The following CEP135 variants were observed in gnomAD, a reference collection of about 807,000 sequenced individuals.
CEP135 encodes the protein centrosomal protein 135.
Under a neutral mutation model 157.3 loss-of-function variants are expected in CEP135, and 142 were observed. That is an observed-to-expected ratio of 0.90 (90% CI 0.79 to 1.04). CEP135 has a LOEUF of 1.04. Among genes scored for constraint, CEP135 ranks in the 50% least tolerant of loss-of-function variants. The pLI is 0.00. For missense variants in CEP135, 1,317 were observed against 1,309.2 expected (o/e 1.01, Z -0.09); for synonymous variants, 396 against 439.8 (o/e 0.90, Z 1.25).
At chr4:56,014,009 A>G (rs1479045771) in intron 21 of CEP135, among the ~76,000 whole-genome samples, 1 of 152,198 alleles carries the variant, frequency 6.6e-6, no homozygotes. Context: ...TGTAGAAGTC[A>G]AGGAGTGTCA....
At position 55,965,718 on chromosome 4, in the gene CEP135, G is replaced by T; in HGVS notation, c.903G>T (p.Val301=). The T allele has an allele frequency of 6.2e-7, 1 of 1,613,860 alleles. No homozygotes were observed. The highest frequency in any genetic ancestry group is 1.1e-5 in the South Asian group (1 of 91,048). ...IRELMETKET[V]TSEVVNLSNK... is the part of the protein sequence containing the mutation. Reference sequence around the variant, plus strand: ...AGCTTATGGAAACCAAGGAAACAGTGACATCTGAAGTCGTTAATTTAAGTA... The same window carrying T: ...AGCTTATGGAAACCAAGGAAACAGTTACATCTGAAGTCGTTAATTTAAGTA... The change falls in exon 8 of 26, where the codon GTG becomes GTT. Residue 301 remains valine (V), a synonymous_variant. Coordinates refer to ENST00000257287, the MANE Select transcript of CEP135 (RefSeq NM_025009.5).
chr4:56,021,608 T>C (rs926346185), intron 24 of CEP135, among the ~76,000 whole-genome samples: 15 of 152,218 alleles, frequency 9.9e-5, no homozygotes, highest in African/African-American at 3.1e-4. Flanking sequence ...GATTTCATTC[T>C]CAATTAGTGG....
rs759686400 is a variant in CEP135, at chr4:55,965,665, A to C, written c.850A>C (p.Asn284His). The C allele has an allele frequency of 4.2e-5, 67 of 1,608,388 alleles. No homozygotes were observed. The highest frequency in any genetic ancestry group is 5.5e-5 in the Non-Finnish European group (65 of 1,178,610). The part of the protein sequence containing the change: ...NIQVDFLQQA[N>H]KDLEKRIREL... Reference sequence around the variant, plus strand: ...TTAGGTTGACTTTCTTCAGCAAGCTAATAAAGACCTGGAGAAGCGTATACG... The same window carrying C: ...TTAGGTTGACTTTCTTCAGCAAGCTCATAAAGACCTGGAGAAGCGTATACG... The change falls in exon 8 of 26, where the codon AAT becomes CAT. Residue 284 changes from asparagine to histidine, a missense_variant. Physicochemically the swap from Asn to His is moderately conservative, Grantham distance 68. Transcript: ENST00000257287.
chr4:56,017,961 GTAGT>G, intron 22 of CEP135, 104 bp downstream of exon 22: 1 of 1,006,460 alleles, frequency 9.9e-7, no homozygotes, highest in Middle Eastern at 3.3e-4. Flanking sequence ...TCCTTTTAGA[GTAGT>G]TACTTTTTTT....
intron 14 of CEP135, among the ~76,000 whole-genome samples, chr4:55,988,710 C>A (rs1729684174): frequency 6.8e-6 from 1 of 147,886 alleles, no homozygotes; most frequent in Non-Finnish European, 1.5e-5. Flanking sequence ...GTAATCCCAG[C>A]ACTTTGGGTG....
At chr4:55,958,675 C>T (rs1247691281) in intron 5 of CEP135, among the ~76,000 whole-genome samples, 1 of 152,092 alleles carries the variant, frequency 6.6e-6, no homozygotes, top group Non-Finnish European at 1.5e-5. Context: ...AGTGCAGTTG[C>T]ATACATACTC....
rs1168341025 is a variant in CEP135 at position 56,020,719 on chromosome 4, G to A, written c.3259G>A (p.Ala1087Thr). The A allele has an allele frequency of 1.9e-6, 3 of 1,613,534 alleles. No homozygotes were observed. Among genetic ancestry groups the A allele is most frequent in the African/African-American group, 1.3e-5 (1 of 74,882 alleles). ...AAACACCATGCTTCGAGCTAAAGTG[G>A]CACAGTTACAAACAGATTATGATGC... ...RENTMLRAKV[A>T]QLQTDYDALK... Residue 1087 changes from alanine to threonine, a missense_variant, in exon 24 of 26, where the codon GCA becomes ACA. Transcript: ENST00000257287.
intron 10 of CEP135, among the ~76,000 whole-genome samples, chr4:55,972,802 C>T (rs1269900812): frequency 6.6e-6 from 1 of 152,150 alleles, no homozygotes; most frequent in Non-Finnish European, 1.5e-5. Flanking sequence ...GAGGCCGAGG[C>T]AGGCGGATCA....
At chr4:55,949,100 T>C (rs1728256770) in intron 1 of CEP135, 41 bp downstream of exon 1, 1 of 152,834 alleles carries the variant, frequency 6.5e-6, no homozygotes, top group African/African-American at 2.4e-5. Context: ...GCTGCGGCGG[T>C]GGTGGCGCCT....
intron 25 of CEP135, among the ~76,000 whole-genome samples, chr4:56,030,937 G>T (rs1321963369): frequency 6.6e-6 from 1 of 152,142 alleles, no homozygotes; most frequent in African/African-American, 2.4e-5. Flanking sequence ...GAGTTCAGGA[G>T]TCTGAGACTA....
chr4:55,976,808 T>C (rs1729239242), intron 11 of CEP135, among the ~76,000 whole-genome samples: 1 of 151,946 alleles, frequency 6.6e-6, no homozygotes, highest in Non-Finnish European at 1.5e-5. Context: ...AATTAGCTAT[T>C]TTATTTTACT....
chr4:55,979,344 C>A (rs1158745971), intron 11 of CEP135, among the ~76,000 whole-genome samples: 1 of 152,022 alleles, frequency 6.6e-6, no homozygotes, highest in Non-Finnish European at 1.5e-5. Context: ...GACAGTGAAT[C>A]TTTTGAATTG....
intron 21 of CEP135, among the ~76,000 whole-genome samples, chr4:56,017,205 G>A (rs983575410): frequency 6.6e-6 from 1 of 151,698 alleles, no homozygotes; most frequent in Non-Finnish European, 1.5e-5. Flanking sequence ...AATTATCCAG[G>A]TATATAGTTT....
chr4:55,961,291 G>C (rs1477978939), intron 6 of CEP135, among the ~76,000 whole-genome samples: 1 of 152,010 alleles, frequency 6.6e-6, no homozygotes, highest in Non-Finnish European at 1.5e-5. Context: ...AGGTGGCTGA[G>C]GTGTTTGGAG....
chr4:56,011,308 C>A, intron 19 of CEP135, 104 bp from the exon 20 acceptor site: 1 of 749,100 alleles, frequency 1.3e-6, no homozygotes, highest in South Asian at 1.9e-5. Flanking sequence ...TCCTTTTGCC[C>A]TACTCTATCT....
intron 12 of CEP135, among the ~76,000 whole-genome samples, 190 bp from the exon 13 acceptor site, chr4:55,981,037 C>T (rs1025437981): frequency 2.0e-5 from 3 of 152,072 alleles, no homozygotes; most frequent in African/African-American, 7.2e-5. Flanking sequence ...GTGGCTGGTG[C>T]CTCCCTCAAT....
chr4:55,983,388 T>C (rs942042076), intron 13 of CEP135, among the ~76,000 whole-genome samples: 1 of 152,240 alleles, frequency 6.6e-6, no homozygotes, highest in Non-Finnish European at 1.5e-5. Flanking sequence ...AAAGTGTAAC[T>C]AATCTCAATC....
At chr4:55,970,037 C>CT (rs11404012) in intron 9 of CEP135, among the ~76,000 whole-genome samples, 65,730 of 141,242 alleles carry the variant, frequency 0.47, 15,378 homozygotes, top group African/African-American at 0.57. Context: ...CCGTGCCTAG[C>CT]TTTTTTTTTT....
At chr4:56,011,262 G>A in intron 19 of CEP135, 150 bp from the exon 20 acceptor site, 3 of 578,522 alleles carry the variant, frequency 5.2e-6, no homozygotes, top group Non-Finnish European at 8.9e-6. Context: ...AGATCAGCCA[G>A]GAAAAATATG....
Sources: gnomAD v4.1 joint callset for allele counts (sites outside exome capture counted in the v4.1 genomes callset) on GRCh38, gnomAD v4.1.1 for gene constraint, MANE v1.5 for transcripts, NCBI Gene and HGNC (gene_info 2026-07-23, HGNC 2026-07-21) for gene names.